The following FAM83B variants were observed in gnomAD, a reference collection of about 807,000 sequenced individuals.
FAM83B encodes the protein scaffolding CK1 anchoring protein B.
In FAM83B, 26 loss-of-function variants were observed where a neutral mutation model predicts 38.8. The observed-to-expected ratio is 0.67, with a 90% confidence interval of 0.49 to 0.93. FAM83B has a LOEUF of 0.93. Ranked by LOEUF, FAM83B falls within the 40% of genes least tolerant of loss-of-function variation. The probability of loss-of-function intolerance (pLI) is 0.00; values close to 1 mark genes in which losing one functional copy is unlikely to be tolerated. For synonymous variants in FAM83B, 419 were observed against 423.1 expected, an observed-to-expected ratio of 0.99 and a Z score of 0.12; for missense variants, 1,237 against 1,197.3, an observed-to-expected ratio of 1.03 and a Z score of -0.49.
At chr6:54,912,534 G>GA (rs1458286194) in intron 2 of FAM83B, among the ~76,000 whole-genome samples, 2 of 151,048 alleles carry the variant, frequency 1.3e-5, no homozygotes, top group Admixed American at 1.3e-4. Context: ...CAGCCCAATT[G>GA]AAAAATATTT....
chr6:54,849,491 G>T (rs1436317625), intron 1 of FAM83B, among the ~76,000 whole-genome samples: 1 of 151,468 alleles, frequency 6.6e-6, no homozygotes, highest in East Asian at 1.9e-4. Flanking sequence ...TAAGGAGGCA[G>T]GGGGCTAACA....
At chr6:54,848,798 G>A (rs1211789937) in intron 1 of FAM83B, among the ~76,000 whole-genome samples, 1 of 151,990 alleles carries the variant, frequency 6.6e-6, no homozygotes, top group Non-Finnish European at 1.5e-5. Context: ...CATCAAAGCG[G>A]GACTCTTCTA....
At chr6:54,927,129 G>C (rs1365645918) in intron 3 of FAM83B, among the ~76,000 whole-genome samples, 2 of 152,052 alleles carry the variant, frequency 1.3e-5, no homozygotes, top group African/African-American at 4.8e-5. Context: ...TGCTTCTATG[G>C]TTCAGCATGT....
rs201554608 is a variant in FAM83B, at chr6:54,883,196, G to GC, written c.444+12508dup. On this transcript the variant is annotated intron_variant, in intron 2 of 4. Transcript: ENST00000306858. ...CTGACCTTGTGATCCGCCCACCTTGGCCTCCCAAAGTGCTGGGATTACAGG... is the reference window on the plus strand; with the variant it reads ...CTGACCTTGTGATCCGCCCACCTTGGCCCTCCCAAAGTGCTGGGATTACAGG... Among the ~76,000 whole-genome samples, 510 of 152,168 alleles carry GC rather than the reference G, an allele frequency of 3.4e-3. 8 individuals are homozygous for GC. Among genetic ancestry groups the GC allele is most frequent in the East Asian group, 0.033 (171 of 5,176 alleles).
intron 2 of FAM83B, among the ~76,000 whole-genome samples, chr6:54,871,224 C>G (rs1771843728): frequency 6.6e-6 from 1 of 151,864 alleles, no homozygotes; most frequent in African/African-American, 2.4e-5. Flanking sequence ...AGATATTTAG[C>G]ATTTTAAGGC....
At chr6:54,847,173 G>T (rs1173408116) in intron 1 of FAM83B, among the ~76,000 whole-genome samples, 1 of 152,056 alleles carries the variant, frequency 6.6e-6, no homozygotes, top group East Asian at 1.9e-4. Flanking sequence ...CTTTTCCAGT[G>T]TAGGAGTGCG....
intron 2 of FAM83B, among the ~76,000 whole-genome samples, chr6:54,916,768 T>G (rs1360778719): frequency 6.6e-6 from 1 of 152,204 alleles, no homozygotes; most frequent in Non-Finnish European, 1.5e-5. Context: ...CACAGATGAA[T>G]GTGGGCAGTA....
intron 4 of FAM83B, among the ~76,000 whole-genome samples, chr6:54,939,115 G>A (rs1581934260): frequency 1.3e-5 from 2 of 151,936 alleles, no homozygotes; most frequent in South Asian, 4.2e-4. Context: ...TGTTGAATAG[G>A]GTGTCCTTTC....
rs1182351479 is a variant in FAM83B at position 54,940,693 on chromosome 6, T to C, written c.1722T>C (p.Ser574=). The stretch of plus-strand genomic sequence containing the variant: ...CAACTATCATTGGTTCTCAGGGAAG[T>C]GAGACACCTAAAGAGGTCCCAGACA... ...SNSTIIGSQG[S]ETPKEVPDTP... The change falls in exon 5 of 5, where the codon AGT becomes AGC. Residue 574 remains serine, a synonymous_variant. Transcript: ENST00000306858. 6.2e-7 allele frequency: 1 copy of C among 1,614,016 alleles called. No individual in the cohort carries two copies. The highest frequency in any genetic ancestry group is 2.2e-5 in the East Asian group (1 of 44,858).
At chr6:54,854,342 C>T (rs991349221) in intron 1 of FAM83B, among the ~76,000 whole-genome samples, 2 of 152,168 alleles carry the variant, frequency 1.3e-5, no homozygotes, top group African/African-American at 2.4e-5. Context: ...TGCTGTTAAA[C>T]AACATTGCAT....
chr6:54,912,664 T>G (rs1772937543), intron 2 of FAM83B, among the ~76,000 whole-genome samples: 1 of 152,002 alleles, frequency 6.6e-6, no homozygotes, highest in Non-Finnish European at 1.5e-5. Flanking sequence ...TCAGTTAGTA[T>G]TCTAAGTAAC....
Position 54,940,701 on chromosome 6 carries a change from C to G in FAM83B, c.1730C>G (p.Pro577Arg). 1 of 1,613,996 alleles carries G rather than the reference C, an allele frequency of 6.2e-7. No individual in the cohort carries two copies. Reference protein sequence around the residue: ...TIIGSQGSETPKEVPDTPTNV... With the variant: ...TIIGSQGSETRKEVPDTPTNV... ...ATTGGTTCTCAGGGAAGTGAGACACCTAAAGAGGTCCCAGACACCCCTACG... is the reference window on the plus strand; with the variant it reads ...ATTGGTTCTCAGGGAAGTGAGACACGTAAAGAGGTCCCAGACACCCCTACG... Residue 577 changes from proline to arginine, a missense_variant, in exon 5 of 5, where the codon CCT (proline) becomes CGT (arginine). Pro to Arg is a moderately radical substitution (Grantham distance 103). Transcript: ENST00000306858.
At chr6:54,903,277 C>T (rs1353590847) in intron 2 of FAM83B, among the ~76,000 whole-genome samples, 4 of 152,150 alleles carry the variant, frequency 2.6e-5, no homozygotes, top group Non-Finnish European at 5.9e-5. Flanking sequence ...ATACATATCT[C>T]TGTATATTTG....
In FAM83B at chr6:54,940,352, T is replaced by C; in HGVS notation, c.1381T>C (p.Ser461Pro). 1.9e-6 allele frequency: 3 copies of C among 1,614,056 alleles called. No homozygotes were observed. The highest frequency in any genetic ancestry group is 2.5e-6 in the Non-Finnish European group (3 of 1,180,008). The change falls in exon 5 of 5, where the codon TCA (serine) becomes CCA (proline). Residue 461 changes from serine to proline, a missense_variant. By Grantham distance (74) the Ser-to-Pro change is moderately conservative (BLOSUM62 -1). Coordinates refer to ENST00000306858, the MANE Select transcript of FAM83B (RefSeq NM_001010872.3). Reference protein sequence around the residue: ...RKTTNLADRNSNVRRSFNGTD... With the variant: ...RKTTNLADRNPNVRRSFNGTD... Reference sequence around the variant, plus strand: ...AACAACAAATCTTGCAGACAGGAATTCAAATGTTCGGAGGTCTTTTAATGG... The same window carrying C: ...AACAACAAATCTTGCAGACAGGAATCCAAATGTTCGGAGGTCTTTTAATGG...
rs764861449 is a variant in FAM83B, at chr6:54,940,470, A to G, written c.1499A>G (p.Tyr500Cys). 6.2e-7 allele frequency: 1 copy of G among 1,614,124 alleles called. No homozygotes were observed. Among genetic ancestry groups the G allele is most frequent in the Admixed American group, 1.7e-5 (1 of 59,992 alleles). ...CTACGTAACTGGAGAATTGAATCCT[A>G]CTTAAATGATCATTCAGAAGCTACA... ...SFLRNWRIES[Y>C]LNDHSEATPD... The change falls in exon 5 of 5, where the codon TAC (tyrosine) becomes TGC (cysteine). Residue 500 changes from tyrosine (Y) to cysteine (C), a missense_variant. Coordinates refer to ENST00000306858, the MANE Select transcript of FAM83B (RefSeq NM_001010872.3).
At position 54,941,840 on chromosome 6, in the gene FAM83B, A is replaced by G. The variant is rs1404514519; in HGVS notation, c.2869A>G (p.Ser957Gly). ...GCCAACAAGCAACATGCCAAATACC[A>G]GTATAAATCGCCCAGAAATAAAATC... ...IQPTSNMPNT[S>G]INRPEIKSAT... Residue 957 changes from serine to glycine, a missense_variant, in exon 5 of 5, where the codon AGT (serine) becomes GGT (glycine). Transcript: ENST00000306858. The G allele has an allele frequency of 2.5e-6, 4 of 1,614,128 alleles. No individual in the cohort carries two copies. Among genetic ancestry groups the G allele is most frequent in the Non-Finnish European group, 2.5e-6 (3 of 1,180,024 alleles).
intron 2 of FAM83B, among the ~76,000 whole-genome samples, chr6:54,902,600 C>T (rs1772684183): frequency 6.6e-6 from 1 of 151,980 alleles, no homozygotes; most frequent in African/African-American, 2.4e-5. Context: ...TTGTTTTTGA[C>T]ATTTTTCTAC....
intron 2 of FAM83B, among the ~76,000 whole-genome samples, chr6:54,887,594 T>C (rs888131750): frequency 1.3e-5 from 2 of 152,108 alleles, no homozygotes; most frequent in Admixed American, 6.6e-5. Context: ...ATTGTAATTA[T>C]TTTATTTTTA....
intron 2 of FAM83B, among the ~76,000 whole-genome samples, chr6:54,904,697 A>G (rs1005275209): frequency 6.6e-6 from 1 of 152,222 alleles, no homozygotes; most frequent in African/African-American, 2.4e-5. Context: ...TAAGGTTAGT[A>G]GATGACATTA....
Sources: allele counts gnomAD v4.1 joint callset (sites outside exome capture counted in the v4.1 genomes callset), GRCh38; gene constraint gnomAD v4.1.1; transcripts MANE v1.5; gene names NCBI Gene and HGNC (gene_info 2026-07-23, HGNC 2026-07-21).